The following ROS1 variants were observed in gnomAD, a reference collection of about 807,000 sequenced individuals.
ROS1 encodes ROS proto-oncogene 1, receptor tyrosine kinase, also known as proto-oncogene tyrosine-protein kinase ROS.
In ROS1, 263 loss-of-function variants were observed where a neutral mutation model predicts 273.5. The ratio of observed to expected loss-of-function variants is 0.96; its 90% confidence interval spans 0.87 to 1.06. The LOEUF is 1.06. ROS1 is among the 50% of genes least tolerant of loss of function. The pLI is 0.00. For synonymous variants in ROS1, 1,008 were observed against 954.1 expected, an observed-to-expected ratio of 1.06 and a Z score of -1.04; for missense variants, 2,833 against 2,751.1, an observed-to-expected ratio of 1.03 and a Z score of -0.67.
rs769355146 is a variant in ROS1, at chr6:117,329,333, T to G, written c.5344A>C (p.Ile1782Leu). 1.4e-6 allele frequency: 2 copies of G among 1,410,532 alleles called. No individual in the cohort carries two copies. The highest frequency in any genetic ancestry group is 2.0e-6 in the Non-Finnish European group (2 of 1,001,102). 87.4% of individuals were successfully genotyped at this position (1,410,532 alleles called of 1,614,324 possible). A position where few individuals can be genotyped will look rare whatever the true frequency, so the allele number is the denominator to read the frequency against. The change falls in exon 33 of 44, where the codon ATA (isoleucine) becomes CTA (leucine). Residue 1782 changes from isoleucine to leucine, a missense_variant. Coordinates refer to ENST00000368507, the MANE Select transcript of ROS1 (RefSeq NM_001378902.1). ...GCRITYYILE[I>L]RKSTSNNLQN... is the part of the protein sequence containing the mutation. ...GTACTTTGCAAACACACATACCTTATCTCAAGGATATAGTATGTAATTCTA... is the reference window on the plus strand; with the variant it reads ...GTACTTTGCAAACACACATACCTTAGCTCAAGGATATAGTATGTAATTCTA...
At position 117,379,069 on chromosome 6, in the gene ROS1, G is replaced by A. The variant is rs146533107; in HGVS notation, c.2572C>T (p.Arg858Trp). 8.0e-5 allele frequency: 129 copies of A among 1,606,058 alleles called. No individual in the cohort carries two copies. The highest frequency in any genetic ancestry group is 1.6e-4 in the Middle Eastern group (1 of 6,064). ...QCIHLYTAVL[R>W]GQSTGDTTIT... The stretch of plus-strand genomic sequence containing the variant: ...AGGGACTCTACTTACCTCTGTCCCC[G>A]AAGAACAGCTGTGTACAGGTGAATA... Residue 858 changes from arginine to tryptophan, a missense_variant, in exon 18 of 44, where the codon CGG becomes TGG. By Grantham distance (101) the Arg-to-Trp change is moderately radical. Coordinates refer to ENST00000368507, the MANE Select transcript of ROS1 (RefSeq NM_001378902.1).
intron 5 of ROS1, among the ~76,000 whole-genome samples, chr6:117,406,842 T>C (rs1002988334): frequency 2.6e-5 from 4 of 152,190 alleles, no homozygotes; most frequent in African/African-American, 9.6e-5. Context: ...AATAATTGCA[T>C]GCTAATGGGG....
At position 117,356,674 on chromosome 6, in the gene ROS1, C is replaced by G. The variant is rs759998400; in HGVS notation, c.4081G>C (p.Glu1361Gln). 1 of 1,613,950 alleles carries G rather than the reference C, an allele frequency of 6.2e-7. No individual in the cohort carries two copies. Among genetic ancestry groups the G allele is most frequent in the Non-Finnish European group, 8.5e-7 (1 of 1,179,986 alleles). Reference sequence around the variant, plus strand: ...ATAACTCTCCAACACTGACAGCCTTCCAGATCCATTGCCCAGATCTCTTGT... The same window carrying G: ...ATAACTCTCCAACACTGACAGCCTTGCAGATCCATTGCCCAGATCTCTTGT... The part of the protein sequence containing the change: ...KAQEIWAMDL[E>Q]GCQCWRVITV... Residue 1361 changes from glutamate to glutamine, a missense_variant, in exon 26 of 44, where the codon GAA (glutamate) becomes CAA (glutamine). Coordinates refer to ENST00000368507, the MANE Select transcript of ROS1 (RefSeq NM_001378902.1).
At chr6:117,350,444 A>T (rs1187881458) in intron 27 of ROS1, among the ~76,000 whole-genome samples, 1 of 151,830 alleles carries the variant, frequency 6.6e-6, no homozygotes, top group African/African-American at 2.4e-5. Context: ...CTGCAGTTTG[A>T]ATATGATAGG....
At position 117,308,704 on chromosome 6, in the gene ROS1, A is replaced by G. The variant is rs968651215; in HGVS notation, c.6551+90T>C. 4 of 1,303,304 alleles carry G rather than the reference A, an allele frequency of 3.1e-6. No homozygotes were observed. The African/African-American group carries it at 5.9e-5, about 19-fold the overall frequency. The allele number at this position is 1,303,304 out of a possible 1,614,324, so 80.7% of individuals were successfully genotyped here. Reference sequence around the variant, plus strand: ...ATATTTAAGTTCCAGTTCTTATTTTAACAATTTAACAAACTATATCAAGAG... The same window carrying G: ...ATATTTAAGTTCCAGTTCTTATTTTGACAATTTAACAAACTATATCAAGAG... On this transcript the variant is annotated intron_variant, in intron 42 of 43. Transcript: ENST00000368507.
chr6:117,388,830 C>T (rs1772812414), intron 13 of ROS1, among the ~76,000 whole-genome samples: 1 of 152,120 alleles, frequency 6.6e-6, no homozygotes, highest in Admixed American at 6.6e-5. Context: ...TCCCCATTTC[C>T]AGGTGTGGAA....
intron 42 of ROS1, chr6:117,301,815 A>G (rs2128538366): frequency 6.6e-6 from 1 of 152,372 alleles, no homozygotes; most frequent in East Asian, 1.9e-4. Flanking sequence ...AGCAGCAATC[A>G]GATTTGATGC....
In ROS1 at chr6:117,365,449, G is replaced by A. The variant is rs76835755; in HGVS notation, c.2958+132C>T. ...AAGTCTTCTGGGGAATAATCTTAAT[G>A]ACCAAATGCTATGGGAATGACAAAG... On this transcript the variant is annotated intron_variant, in intron 20 of 43. Coordinates refer to ENST00000368507, the MANE Select transcript of ROS1 (RefSeq NM_001378902.1). 4.5e-3 allele frequency: 3,797 copies of A among 837,636 alleles called. 78 individuals carry two copies. The East Asian group carries it at 0.052, about 11-fold the overall frequency. 51.9% of individuals were successfully genotyped at this position (837,636 alleles called of 1,614,324 possible).
At chr6:117,345,588 C>A (rs1159808967) in intron 27 of ROS1, among the ~76,000 whole-genome samples, 1 of 152,072 alleles carries the variant, frequency 6.6e-6, no homozygotes, top group African/African-American at 2.4e-5. Flanking sequence ...TCATATTAGC[C>A]ACATATAAAA....
At chr6:117,289,947 A>G (rs1405728867) in intron 43 of ROS1, among the ~76,000 whole-genome samples, 1 of 152,192 alleles carries the variant, frequency 6.6e-6, no homozygotes, top group Non-Finnish European at 1.5e-5. Flanking sequence ...AATATTTTTA[A>G]ATGTTAGGAA....
At chr6:117,344,774 T>C (rs1241943261) in intron 27 of ROS1, among the ~76,000 whole-genome samples, 1 of 152,138 alleles carries the variant, frequency 6.6e-6, no homozygotes, top group Non-Finnish European at 1.5e-5. Flanking sequence ...GTCCAGGTGA[T>C]TGATGGCATT....
At chr6:117,380,337 C>T (rs1772024115) in intron 17 of ROS1, among the ~76,000 whole-genome samples, 1 of 152,090 alleles carries the variant, frequency 6.6e-6, no homozygotes, top group African/African-American at 2.4e-5. Flanking sequence ...TTATAAGGTA[C>T]ATGACGACAA....
intron 1 of ROS1, among the ~76,000 whole-genome samples, chr6:117,422,146 A>T (rs944338491): frequency 6.6e-6 from 1 of 152,064 alleles, no homozygotes; most frequent in African/African-American, 2.4e-5. Context: ...AGTAGCTGGG[A>T]CTACAGGTGC....
rs2128574784 is a variant in ROS1, at chr6:117,324,318, T to G, written c.5623+14A>C. On this transcript the variant is annotated intron_variant, in intron 35 of 43. Coordinates refer to ENST00000368507, the MANE Select transcript of ROS1 (RefSeq NM_001378902.1). ...ACAGTTTGTTGCCTATTTTAAAAATTCTATTATACTTACCAAAGGTCAGTG... is the reference window on the plus strand; with the variant it reads ...ACAGTTTGTTGCCTATTTTAAAAATGCTATTATACTTACCAAAGGTCAGTG... 7.8e-7 allele frequency: 1 copy of G among 1,282,158 alleles called. No individual in the cohort carries two copies. Among genetic ancestry groups the G allele is most frequent in the Non-Finnish European group, 1.1e-6 (1 of 895,216 alleles). The allele number at this position is 1,282,158 out of a possible 1,614,324, so 79.4% of individuals were successfully genotyped here.
rs2128726187 is a variant in ROS1 at position 117,404,266 on chromosome 6, G to T, written c.465+14C>A. On this transcript the variant is annotated intron_variant, in intron 6 of 43. Transcript: ENST00000368507. Reference sequence around the variant, plus strand: ...AAGGGGTCTGGGTTGAGGTACAAAGGCAGCCTTTCATACCTTAGTATAAGT... The same window carrying T: ...AAGGGGTCTGGGTTGAGGTACAAAGTCAGCCTTTCATACCTTAGTATAAGT... 6.2e-7 allele frequency: 1 copy of T among 1,611,642 alleles called. No individual in the cohort carries two copies. Among genetic ancestry groups the T allele is most frequent in the Admixed American group, 1.7e-5 (1 of 59,782 alleles).
chr6:117,408,747 A>C (rs1038354674), intron 5 of ROS1, among the ~76,000 whole-genome samples: 10 of 152,210 alleles, frequency 6.6e-5, no homozygotes, highest in African/African-American at 2.2e-4. Flanking sequence ...TCATGCTGCT[A>C]TAAAGACACA....
rs748687432 is a variant in ROS1 at position 117,301,081 on chromosome 6, T to A, written c.6608A>T (p.His2203Leu). ...AQEPDQRPTF[H>L]RIQDQLQLFR... ...TAACTGAAGTTGGTCCTGAATTCTA[T>A]GAAAAGTAGGTCTTTGGTCGGGTTC... is the stretch of plus-strand genomic sequence containing the variant. The change falls in exon 43 of 44, where the codon CAT (histidine) becomes CTT (leucine). Residue 2203 changes from histidine to leucine, a missense_variant. Physicochemically the swap from His to Leu is moderately conservative, Grantham distance 99. Coordinates refer to ENST00000368507, the MANE Select transcript of ROS1 (RefSeq NM_001378902.1). The A allele has an allele frequency of 1.6e-5, 25 of 1,604,124 alleles. No individual in the cohort carries two copies. The South Asian group carries it at 2.7e-4, about 17-fold the overall frequency.
intron 14 of ROS1, 61 bp downstream of exon 14, chr6:117,387,719 G>A (rs1258234991): frequency 2.6e-6 from 4 of 1,538,134 alleles, no homozygotes; most frequent in Non-Finnish European, 3.5e-6. Context: ...GAAATTTAAA[G>A]GGCACTCAGC....
chr6:117,317,663 G>A (rs1776013489), intron 38 of ROS1, among the ~76,000 whole-genome samples: 1 of 152,076 alleles, frequency 6.6e-6, no homozygotes, highest in Non-Finnish European at 1.5e-5. Flanking sequence ...TGGCTACACA[G>A]TTTTCTCAAG....
Sources: gnomAD v4.1 joint callset for allele counts (sites outside exome capture counted in the v4.1 genomes callset) on GRCh38, gnomAD v4.1.1 for gene constraint, MANE v1.5 for transcripts, NCBI Gene and HGNC (gene_info 2026-07-23, HGNC 2026-07-21) for gene names.